ST8SIA5: variants seen among roughly 807,000 people sequenced by gnomAD.
The protein encoded by ST8SIA5 is ST8 alpha-N-acetyl-neuraminide alpha-2,8-sialyltransferase 5.
In ST8SIA5, 24 loss-of-function variants were observed where a neutral mutation model predicts 40.2. The observed-to-expected ratio is 0.60, with a 90% CI of 0.43 to 0.84. The LOEUF (loss-of-function observed/expected upper bound fraction) is 0.84. Ranked by LOEUF, ST8SIA5 falls within the 40% of genes least tolerant of loss-of-function variation. The pLI, the probability that ST8SIA5 is intolerant of heterozygous loss-of-function variation, is 0.00. For missense variants in ST8SIA5, 465 were observed against 498.5 expected, an observed-to-expected ratio of 0.93 and a Z score of 0.64; for synonymous variants, 198 against 201.8, an observed-to-expected ratio of 0.98 and a Z score of 0.16.
chr18:46,721,513 G>C, intron 1 of ST8SIA5: 1 of 1,479,204 alleles, frequency 6.8e-7, no homozygotes, highest in Non-Finnish European at 9.1e-7. Context: ...TCATTTGCTG[G>C]GTTAAGCCTG....
intron 1 of ST8SIA5, among the ~76,000 whole-genome samples, chr18:46,720,402 G>A (rs1209172808): frequency 3.3e-5 from 5 of 152,156 alleles, no homozygotes; most frequent in Admixed American, 6.5e-5. Flanking sequence ...AGGCCACAGC[G>A]TGCGACCATC....
intron 6 of ST8SIA5, among the ~76,000 whole-genome samples, chr18:46,681,412 C>G (rs963935293): frequency 1.5e-4 from 23 of 152,212 alleles, no homozygotes; most frequent in Non-Finnish European, 3.1e-4. Flanking sequence ...CCACTGTCCC[C>G]TCCTCTTACA....
chr18:46,733,711 G>A (rs932232226), intron 1 of ST8SIA5, among the ~76,000 whole-genome samples: 9 of 152,302 alleles, frequency 5.9e-5, no homozygotes, highest in African/African-American at 2.2e-4. Context: ...GACAGGAAGT[G>A]GGTGATGAGG....
chr18:46,671,353 G>A lies in ST8SIA5; in HGVS notation c.*8689C>T, dbSNP rs1183733478. ...GATAGAAAAGGAAATGCATAAAGAA[G>A]TGAGGCTCTAACCCTAGCTCCTGGG... On this transcript the variant is annotated 3_prime_UTR_variant, in exon 7 of 7. Coordinates refer to ENST00000315087, the MANE Select transcript of ST8SIA5 (RefSeq NM_013305.6). The A allele has an allele frequency of 1.3e-5, 2 of 152,116 alleles. No individual in the cohort carries two copies. The highest frequency in any genetic ancestry group is 4.8e-5 in the African/African-American group (2 of 41,402). The allele number at this position is 152,116 out of a possible 1,614,324, so 9.4% of individuals were successfully genotyped here.
intron 1 of ST8SIA5, among the ~76,000 whole-genome samples, chr18:46,751,514 A>G (rs2040195364): frequency 6.6e-6 from 1 of 152,062 alleles, no homozygotes; most frequent in Non-Finnish European, 1.5e-5. Context: ...CTTGTGCCTC[A>G]GCCTCCTGAG....
intron 2 of ST8SIA5, among the ~76,000 whole-genome samples, chr18:46,695,232 G>A (rs1568255100): frequency 6.6e-6 from 1 of 152,062 alleles, no homozygotes; most frequent in Non-Finnish European, 1.5e-5. Flanking sequence ...TTTAATTGGA[G>A]GTGGTAACAG....
At chr18:46,748,247 TA>T (rs970562746) in intron 1 of ST8SIA5, among the ~76,000 whole-genome samples, 11 of 133,060 alleles carry the variant, frequency 8.3e-5, no homozygotes, top group Middle Eastern at 3.7e-3. Context: ...TTAATTAATT[TA>T]AAAAAATAGG....
rs1365008107 is a variant in ST8SIA5, at chr18:46,671,080, G to C, written c.*8962C>G. On this transcript the variant is annotated 3_prime_UTR_variant, in exon 7 of 7. Coordinates refer to ENST00000315087, the MANE Select transcript of ST8SIA5 (RefSeq NM_013305.6). Reference sequence around the variant, plus strand: ...ACCTGGGGGCTGAGTGAATTTGCTGGGTTCGATCCTAGGAAGTGAGTTGTG... The same window carrying C: ...ACCTGGGGGCTGAGTGAATTTGCTGCGTTCGATCCTAGGAAGTGAGTTGTG... 6.6e-6 allele frequency: 1 copy of C among 152,144 alleles called. No individual in the cohort carries two copies. The highest frequency in any genetic ancestry group is 1.5e-5 in the Non-Finnish European group (1 of 68,034). The allele number at this position is 152,144 out of a possible 1,614,324, so 9.4% of individuals were successfully genotyped here. A position where few individuals can be genotyped will look rare whatever the true frequency, so the allele number is the denominator to read the frequency against.
intron 1 of ST8SIA5, among the ~76,000 whole-genome samples, chr18:46,726,448 T>C (rs1162121328): frequency 1.3e-5 from 2 of 152,044 alleles, no homozygotes; most frequent in Non-Finnish European, 2.9e-5. Context: ...TGGAGTGCTG[T>C]AACTGGTTTT....
intron 1 of ST8SIA5, among the ~76,000 whole-genome samples, chr18:46,742,381 G>A (rs1165208042): frequency 6.6e-6 from 1 of 151,560 alleles, no homozygotes; most frequent in Non-Finnish European, 1.5e-5. Context: ...TGTTGGATTA[G>A]GCAATGGTTC....
intron 1 of ST8SIA5, among the ~76,000 whole-genome samples, chr18:46,706,777 G>A (rs1357110208): frequency 6.6e-6 from 1 of 152,190 alleles, no homozygotes; most frequent in East Asian, 1.9e-4. Flanking sequence ...GGGGAAGAAT[G>A]GCAAGGCTCA....
chr18:46,701,346 G>A (rs967262646), intron 2 of ST8SIA5, among the ~76,000 whole-genome samples: 31 of 151,846 alleles, frequency 2.0e-4, no homozygotes, highest in African/African-American at 6.0e-4. Context: ...TCACCATGTT[G>A]GCCAGGCTGG....
rs949721182 is a variant in ST8SIA5, at chr18:46,680,605, C to T, written c.663-95G>A. The T allele has an allele frequency of 5.3e-6, 7 of 1,320,362 alleles. No individual in the cohort carries two copies. In the African/African-American group the frequency reaches 7.4e-5, roughly 14 times the overall value. 81.8% of individuals were successfully genotyped at this position (1,320,362 alleles called of 1,614,324 possible). On this transcript the variant is annotated intron_variant, in intron 6 of 6. Transcript: ENST00000315087. The stretch of plus-strand genomic sequence containing the variant: ...TTGCACCCTGGGGCTTTGCAAAGGA[C>T]GGAAGGGACTCATAAGGCCACCTGC...
intron 1 of ST8SIA5, among the ~76,000 whole-genome samples, chr18:46,739,141 C>A (rs1599148033): frequency 1.3e-5 from 2 of 152,112 alleles, no homozygotes; most frequent in African/African-American, 4.8e-5. Flanking sequence ...TGGGCTGAGA[C>A]CAGAAAGAGA....
chr18:46,672,629 A>AT lies in ST8SIA5; in HGVS notation c.*7412_*7413insA, dbSNP rs1216467349. On this transcript the variant is annotated 3_prime_UTR_variant, in exon 7 of 7. Coordinates refer to ENST00000315087, the MANE Select transcript of ST8SIA5 (RefSeq NM_013305.6). ...TTTTTCCTTTGAAATAAAAAAAAAAAAAAAGAAAGGTTCTCAGAAGAGACT... is the reference window on the plus strand; with the variant it reads ...TTTTTCCTTTGAAATAAAAAAAAAAATAAAAGAAAGGTTCTCAGAAGAGACT... 1 of 152,170 alleles carries AT rather than the reference A, an allele frequency of 6.6e-6. No individual in the cohort carries two copies. The allele number at this position is 152,170 out of a possible 1,614,324, so 9.4% of individuals were successfully genotyped here. A position where few individuals can be genotyped will look rare whatever the true frequency, so the allele number is the denominator to read the frequency against.
intron 1 of ST8SIA5, among the ~76,000 whole-genome samples, chr18:46,716,036 A>G (rs1201795832): frequency 6.6e-6 from 1 of 152,090 alleles, no homozygotes; most frequent in African/African-American, 2.4e-5. Flanking sequence ...GCCCAGAAGG[A>G]AGAACCCCTC....
At chr18:46,687,685 A>T (rs2039461507) in intron 4 of ST8SIA5, among the ~76,000 whole-genome samples, 1 of 152,112 alleles carries the variant, frequency 6.6e-6, no homozygotes, top group Non-Finnish European at 1.5e-5. Context: ...AGTCTTACCT[A>T]TACACTTTGG....
At chr18:46,689,253 T>C (rs898693421) in intron 3 of ST8SIA5, among the ~76,000 whole-genome samples, 1 of 152,042 alleles carries the variant, frequency 6.6e-6, no homozygotes, top group Non-Finnish European at 1.5e-5. Flanking sequence ...CAGGCTTCTT[T>C]CCATGAAGCC....
intron 4 of ST8SIA5, among the ~76,000 whole-genome samples, chr18:46,686,577 C>A (rs189366168): frequency 6.6e-6 from 1 of 151,904 alleles, no homozygotes; most frequent in African/African-American, 2.4e-5. Context: ...ATGGGCCAGG[C>A]CTGCAGCCTG....
Sources: gnomAD v4.1 joint callset for allele counts (sites outside exome capture counted in the v4.1 genomes callset) on GRCh38, gnomAD v4.1.1 for gene constraint, MANE v1.5 for transcripts, NCBI Gene and HGNC (gene_info 2026-07-23, HGNC 2026-07-21) for gene names.